MCRIP1: variants seen among roughly 807,000 people sequenced by gnomAD.
MCRIP1 encodes the protein mapk-regulated corepressor-interacting protein 1.
In MCRIP1, 10 loss-of-function variants were observed where a neutral mutation model predicts 14.4. The observed-to-expected ratio is 0.70, with a 90% confidence interval of 0.43 to 1.18. MCRIP1 has a LOEUF of 1.18. MCRIP1 is among the 50% of genes most tolerant of loss of function. The pLI is 0.00. For synonymous variants in MCRIP1, 53 were observed against 55.7 expected (o/e 0.95, Z 0.21); for missense variants, 119 against 135.4 (o/e 0.88, Z 0.60).
intron 1 of MCRIP1, among the ~76,000 whole-genome samples, chr17:81,830,229 A>G (rs1279999936): frequency 6.6e-6 from 1 of 152,224 alleles, no homozygotes; most frequent in Non-Finnish European, 1.5e-5. Context: ...ATAGGGACGG[A>G]AGCACAGCCA....
Position 81,823,507 on chromosome 17 carries a change from T to C in MCRIP1, c.134A>G (p.Gln45Arg), listed in dbSNP as rs973010141. The C allele has an allele frequency of 1.3e-6, 2 of 1,536,112 alleles. No individual in the cohort carries two copies. Among genetic ancestry groups the C allele is most frequent in the East Asian group, 4.9e-5 (2 of 40,898 alleles). Residue 45 changes from glutamine to arginine, a missense_variant, in exon 4 of 5, where the codon CAG becomes CGG. Transcript: ENST00000455127. The surrounding 1 kb of genome is among the most constrained non-coding windows in gnomAD (Gnocchi z 6.0). ...ENVRFIYEAWQGVERDLRGQV... is the reference protein window; with the variant it reads ...ENVRFIYEAWRGVERDLRGQV... ...GCCTCGCAGGTCTCGCTCCACACCC[T>C]GCCAGGCTGCAGAGGCAGAGAGTGG...
intron 1 of MCRIP1, among the ~76,000 whole-genome samples, chr17:81,829,228 T>G (rs1598254371): frequency 9.0e-6 from 1 of 111,384 alleles, no homozygotes; most frequent in Non-Finnish European, 1.8e-5. Flanking sequence ...TAAAGGGGAG[T>G]GGCGGCCTGA....
At chr17:81,832,557 T>C (rs1192272601) in intron 1 of MCRIP1, among the ~76,000 whole-genome samples, 1 of 152,228 alleles carries the variant, frequency 6.6e-6, no homozygotes, top group Non-Finnish European at 1.5e-5. Flanking sequence ...CAAGCTGTCT[T>C]CTCTGCCCAA....
chr17:81,831,355 CAACA>C (rs1047579178), intron 1 of MCRIP1, among the ~76,000 whole-genome samples: 12 of 120,924 alleles, frequency 9.9e-5, no homozygotes, highest in East Asian at 2.3e-4. Flanking sequence ...TCAAAACAAA[CAACA>C]AACAAACAAA....
chr17:81,823,688 C>T lies in MCRIP1; in HGVS notation c.128-175G>A, dbSNP rs1027258003. Reference sequence around the variant, plus strand: ...CCCAGCCTCACTCACCTGCAGACCCCGTCCCCGCTCCTCTGGCAGGCCTGT... The same window carrying T: ...CCCAGCCTCACTCACCTGCAGACCCTGTCCCCGCTCCTCTGGCAGGCCTGT... On this transcript the variant is annotated intron_variant, in intron 3 of 4. Coordinates refer to ENST00000455127, the MANE Select transcript of MCRIP1 (RefSeq NM_207368.5). This position sits in a 1 kb window ranked among gnomAD's most constrained non-coding sequence, Gnocchi z 6.0. 9.7e-6 allele frequency: 6 copies of T among 621,580 alleles called. No individual in the cohort carries two copies. In the East Asian group the frequency reaches 1.1e-4, roughly 11 times the overall value. The allele number at this position is 621,580 out of a possible 1,614,324, so 38.5% of individuals were successfully genotyped here. A position where few individuals can be genotyped will look rare whatever the true frequency, so the allele number is the denominator to read the frequency against.
At chr17:81,825,836 C>T (rs1399520954) in intron 1 of MCRIP1, 1 of 1,289,626 alleles carries the variant, frequency 7.8e-7, no homozygotes, top group African/African-American at 1.5e-5. Flanking sequence ...CTGCCAGGGA[C>T]TCCAGCCCAC....
At chr17:81,825,141 T>C (rs997604632) in intron 1 of MCRIP1, 6 of 1,038,488 alleles carry the variant, frequency 5.8e-6, no homozygotes, top group African/African-American at 3.4e-5. Flanking sequence ...ATCAGTACCC[T>C]GGAGATGGAA....
Position 81,823,135 on chromosome 17 carries a change from T to C in MCRIP1, c.*112A>G. On this transcript the variant is annotated 3_prime_UTR_variant, in exon 5 of 5. Coordinates refer to ENST00000455127, the MANE Select transcript of MCRIP1 (RefSeq NM_207368.5). The surrounding 1 kb of genome is among the most constrained non-coding windows in gnomAD (Gnocchi z 6.0). ...CGTCAGTCACGCCAGTGCTGGGATCTGCAGCCCGCTGGAGCAAGGCACCCC... is the reference window on the plus strand; with the variant it reads ...CGTCAGTCACGCCAGTGCTGGGATCCGCAGCCCGCTGGAGCAAGGCACCCC... 1 of 1,021,808 alleles carries C rather than the reference T, an allele frequency of 9.8e-7. No individual in the cohort carries two copies. Among genetic ancestry groups the C allele is most frequent in the Non-Finnish European group, 1.5e-6 (1 of 682,486 alleles). The allele number at this position is 1,021,808 out of a possible 1,614,324, so 63.3% of individuals were successfully genotyped here. A position where few individuals can be genotyped will look rare whatever the true frequency, so the allele number is the denominator to read the frequency against.
intron 1 of MCRIP1, chr17:81,826,481 G>T: frequency 2.0e-6 from 2 of 979,846 alleles, no homozygotes; most frequent in South Asian, 1.5e-5. Context: ...CAAGATCGTG[G>T]CACTGCACTC....
intron 1 of MCRIP1, among the ~76,000 whole-genome samples, chr17:81,831,265 C>A (rs1044542741): frequency 1.3e-5 from 2 of 151,440 alleles, no homozygotes; most frequent in Admixed American, 1.3e-4. Flanking sequence ...GCTTTATACC[C>A]AGGAGGCGCA....
Position 81,823,563 on chromosome 17 carries a change from G to GCAT in MCRIP1, c.128-53_128-51dup, listed in dbSNP as rs2038319161. On this transcript the variant is annotated intron_variant, in intron 3 of 4. Transcript: ENST00000455127. This position sits in a 1 kb window ranked among gnomAD's most constrained non-coding sequence, Gnocchi z 6.0. ...TCAGGGCCCCCTGCCCCAGGGGGTG[G>GCAT]CATCCACGTCACGAGAGTGCCTGCC... is the stretch of plus-strand genomic sequence containing the variant. 2 of 1,460,380 alleles carry GCAT rather than the reference G, an allele frequency of 1.4e-6. No homozygotes were observed. The highest frequency in any genetic ancestry group is 1.9e-6 in the Non-Finnish European group (2 of 1,079,530). The allele number at this position is 1,460,380 out of a possible 1,614,324, so 90.5% of individuals were successfully genotyped here.
At chr17:81,833,094 C>A (rs892216728) in intron 1 of MCRIP1, 144 bp downstream of exon 1, 1 of 148,158 alleles carries the variant, frequency 6.7e-6, no homozygotes, top group Non-Finnish European at 1.5e-5. Flanking sequence ...TCCCTCGGAC[C>A]CCGGCTGCCC....
intron 1 of MCRIP1, chr17:81,825,471 G>A (rs892818634): frequency 1.1e-5 from 13 of 1,199,618 alleles, no homozygotes; most frequent in Middle Eastern, 5.2e-4. Context: ...AGGGGGCTTT[G>A]AGCACAAGCA....
Position 81,823,437 on chromosome 17 carries a change from C to A in MCRIP1, c.204G>T (p.Glu68Asp). 1 of 1,536,820 alleles carries A rather than the reference C, an allele frequency of 6.5e-7. No homozygotes were observed. Among genetic ancestry groups the A allele is most frequent in the Non-Finnish European group, 8.7e-7 (1 of 1,146,766 alleles). ...TCTTCAGGCTGGGGTTAGGGACCTTCTCCACATACTCCTCCACCAGGCCCC... is the reference window on the plus strand; with the variant it reads ...TCTTCAGGCTGGGGTTAGGGACCTTATCCACATACTCCTCCACCAGGCCCC... ...GERGLVEEYV[E>D]KVPNPSLKTF... Residue 68 changes from glutamate to aspartate, a missense_variant, in exon 4 of 5, where the codon GAG becomes GAT. By Grantham distance (45) the Glu-to-Asp change is conservative. Coordinates refer to ENST00000455127, the MANE Select transcript of MCRIP1 (RefSeq NM_207368.5). This position sits in a 1 kb window ranked among gnomAD's most constrained non-coding sequence, Gnocchi z 6.0.
intron 1 of MCRIP1, among the ~76,000 whole-genome samples, chr17:81,830,352 T>TG (rs2143257332): frequency 1.3e-5 from 2 of 152,302 alleles, no homozygotes; most frequent in African/African-American, 4.8e-5. Flanking sequence ...TGAAAGGGGC[T>TG]GGGGCCAGGC....
At chr17:81,826,803 G>A (rs1248203470) in intron 1 of MCRIP1, 1 of 113,726 alleles carries the variant, frequency 8.8e-6, no homozygotes, top group Non-Finnish European at 1.7e-5. Flanking sequence ...GGGCGACAGA[G>A]CAAGACTCCA....
intron 1 of MCRIP1, chr17:81,826,240 C>T: frequency 6.5e-7 from 1 of 1,531,368 alleles, no homozygotes; most frequent in Admixed American, 2.0e-5. Context: ...CACACACACA[C>T]ACACACACCT....
Position 81,824,381 on chromosome 17 carries a change from G to A in MCRIP1, c.33C>T (p.Tyr11=). The A allele has an allele frequency of 6.5e-7, 1 of 1,535,998 alleles. No homozygotes were observed. The highest frequency in any genetic ancestry group is 8.7e-7 in the Non-Finnish European group (1 of 1,146,394). ...GGGGGCTGCTGGTCCTCTTGCCGTTGTACACGACTCTGGAGACGGGGGAGC... is the reference window on the plus strand; with the variant it reads ...GGGGGCTGCTGGTCCTCTTGCCGTTATACACGACTCTGGAGACGGGGGAGC... MTSSPVSRVV[Y]NGKRTSSPRS... is the part of the protein sequence containing the mutation. The change falls in exon 3 of 5, where the codon TAC becomes TAT. Residue 11 remains tyrosine, a synonymous_variant. Transcript: ENST00000455127.
intron 1 of MCRIP1, chr17:81,825,098 T>A: frequency 9.9e-7 from 1 of 1,012,826 alleles, no homozygotes; most frequent in Non-Finnish European, 1.2e-6. Context: ...CCTACCCAGG[T>A]CCAGCTTCCT....
Sources: allele counts gnomAD v4.1 joint callset (sites outside exome capture counted in the v4.1 genomes callset), GRCh38; gene constraint gnomAD v4.1.1; non-coding constraint Gnocchi (gnomAD v3.1); transcripts MANE v1.5; gene names NCBI Gene and HGNC (gene_info 2026-07-23, HGNC 2026-07-21).